Variants in PHTF1 observed in about 807,000 individuals in gnomAD.
The protein encoded by PHTF1 is putative homeodomain transcription factor 1.
Under a neutral mutation model 102.4 loss-of-function variants are expected in PHTF1, and 88 were observed. That is an observed-to-expected ratio of 0.86 (90% confidence interval 0.72 to 1.03). PHTF1 has a LOEUF of 1.03. PHTF1 is among the 50% of genes least tolerant of loss of function. The pLI is 0.00. For missense variants in PHTF1, 814 were observed against 909.5 expected, an observed-to-expected ratio of 0.89 and a Z score of 1.35; for synonymous variants, 289 against 305.2, an observed-to-expected ratio of 0.95 and a Z score of 0.55.
chr1:113,728,009 G>A (rs1557941752), intron 5 of PHTF1, among the ~76,000 whole-genome samples: 1 of 152,072 alleles, frequency 6.6e-6, no homozygotes, highest in Admixed American at 6.6e-5. Context: ...AAGCGGAAAT[G>A]GACAAATGGG....
At chr1:113,725,401 A>T (rs1274430850) in intron 6 of PHTF1, 1 of 152,254 alleles carries the variant, frequency 6.6e-6, no homozygotes, top group African/African-American at 2.4e-5. Flanking sequence ...TGAATTTACA[A>T]GAAATCTTTT....
At chr1:113,729,259 G>C (rs553372400) in intron 5 of PHTF1, among the ~76,000 whole-genome samples, 1 of 152,324 alleles carries the variant, frequency 6.6e-6, no homozygotes, top group South Asian at 2.1e-4. Context: ...AGAAGGCTCT[G>C]AGGCTGAGAA....
intron 15 of PHTF1, chr1:113,703,777 A>G (rs1034238306): frequency 1.7e-5 from 5 of 294,050 alleles, no homozygotes; most frequent in Non-Finnish European, 2.6e-5. Flanking sequence ...CCTTGGAGTG[A>G]TAACTAATAA....
In PHTF1 at chr1:113,759,039, C is replaced by A; in HGVS notation, c.-47G>T. On this transcript the variant is annotated 5_prime_UTR_variant, in exon 1 of 19. Coordinates refer to ENST00000369604, the MANE Select transcript of PHTF1 (RefSeq NM_001323043.2). ...GGCTCTCACCTAGTGCCCGTTGCCCCGCGGGCCGGCGCCCGGGACCTCCGT... is the reference window on the plus strand; with the variant it reads ...GGCTCTCACCTAGTGCCCGTTGCCCAGCGGGCCGGCGCCCGGGACCTCCGT... 9.8e-7 allele frequency: 1 copy of A among 1,016,498 alleles called. No homozygotes were observed. Among genetic ancestry groups the A allele is most frequent in the South Asian group, 4.4e-5 (1 of 22,622 alleles). 63.0% of individuals were successfully genotyped at this position (1,016,498 alleles called of 1,614,324 possible).
At chr1:113,702,681 C>G (rs1211843421) in intron 15 of PHTF1, among the ~76,000 whole-genome samples, 1 of 151,976 alleles carries the variant, frequency 6.6e-6, no homozygotes, top group African/African-American at 2.4e-5. Flanking sequence ...TGAACAAACA[C>G]CAAGCAACCA....
intron 7 of PHTF1, among the ~76,000 whole-genome samples, chr1:113,715,597 G>A (rs181583644): frequency 1.8e-4 from 22 of 124,266 alleles, no homozygotes; most frequent in African/African-American, 5.7e-4. Context: ...GCAGTGAGCC[G>A]AGATTGTACC....
chr1:113,700,773 A>G, intron 16 of PHTF1, 21 bp downstream of exon 16: 1 of 1,610,082 alleles, frequency 6.2e-7, no homozygotes, highest in South Asian at 1.1e-5. Flanking sequence ...ACTAAACCCA[A>G]TTGACAGGAC....
At chr1:113,753,085 T>C (rs1450748807) in intron 3 of PHTF1, among the ~76,000 whole-genome samples, 1 of 152,248 alleles carries the variant, frequency 6.6e-6, no homozygotes, top group Non-Finnish European at 1.5e-5. Context: ...TTACATTACT[T>C]TGTTTTCAAA....
At chr1:113,738,875 C>T (rs1655926677) in intron 3 of PHTF1, 76 bp from the exon 4 acceptor site, 2 of 1,050,850 alleles carry the variant, frequency 1.9e-6, no homozygotes, top group Non-Finnish European at 2.8e-6. Context: ...TTTTGAGACA[C>T]AGTTTCGCTC....
chr1:113,723,753 AC>A (rs1653370651), intron 7 of PHTF1, among the ~76,000 whole-genome samples: 1 of 152,228 alleles, frequency 6.6e-6, no homozygotes, highest in Non-Finnish European at 1.5e-5. Context: ...AGCACAGGCA[AC>A]CAAAGCAAAA....
At chr1:113,738,478 A>G (rs908096769) in intron 4 of PHTF1, among the ~76,000 whole-genome samples, 14 of 152,190 alleles carry the variant, frequency 9.2e-5, no homozygotes, top group Non-Finnish European at 1.9e-4. Flanking sequence ...GGCTTACTTG[A>G]ATGTTAAACA....
chr1:113,703,955 C>T (rs1189707989), intron 15 of PHTF1, 126 bp downstream of exon 15: 1 of 521,892 alleles, frequency 1.9e-6, no homozygotes, highest in Non-Finnish European at 3.4e-6. Context: ...ACCAAACATC[C>T]AAAATAGTAA....
rs774522219 is a variant in PHTF1 at position 113,752,385 on chromosome 1, A to ATTTTTTTTTTTTTTTTTT, written c.102+5296_102+5313dup. Among the ~76,000 whole-genome samples the ATTTTTTTTTTTTTTTTTT allele has an allele frequency of 2.5e-4, 12 of 47,894 alleles. 1 individual carries two copies. Among genetic ancestry groups the ATTTTTTTTTTTTTTTTTT allele is most frequent in the Non-Finnish European group, 4.2e-4 (11 of 26,432 alleles). The allele number at this position is 47,894 out of a possible 152,430, so 31.4% of individuals were successfully genotyped here. ...CTTGCCACATTCATTTGTTACTGTA[A>ATTTTTTTTTTTTTTTTTT]TTTTTTTTTTTTTTTTTTTTTTTTT... is the stretch of plus-strand genomic sequence containing the variant. On this transcript the variant is annotated intron_variant, in intron 3 of 18. Transcript: ENST00000369604.
At chr1:113,750,137 G>A in intron 3 of PHTF1, among the ~76,000 whole-genome samples, 1 of 151,994 alleles carries the variant, frequency 6.6e-6, no homozygotes, top group East Asian at 1.9e-4. Context: ...TGGGACTACA[G>A]GCACATGCCC....
chr1:113,758,417 T>C (rs1659214428), intron 2 of PHTF1, among the ~76,000 whole-genome samples: 2 of 152,008 alleles, frequency 1.3e-5, no homozygotes, highest in South Asian at 2.1e-4. Flanking sequence ...TTTCAAAGCA[T>C]TGCGGTGGCA....
rs1479236097 is a variant in PHTF1, at chr1:113,698,616, TATATACACACAC to T, written c.2143-241_2143-230del. ...TATGTCATTTGTAGTTTTATATATA[TATATACACACAC>T]ACACACACACACACACACACACACA... On this transcript the variant is annotated intron_variant, in intron 17 of 18. Transcript: ENST00000369604. Among the ~76,000 whole-genome samples the T allele has an allele frequency of 2.3e-3, 267 of 114,116 alleles. 2 individuals are homozygous for T. Among genetic ancestry groups the T allele is most frequent in the African/African-American group, 6.5e-3 (167 of 25,546 alleles). The allele number at this position is 114,116 out of a possible 152,430, so 74.9% of individuals were successfully genotyped here.
intron 3 of PHTF1, among the ~76,000 whole-genome samples, chr1:113,754,249 A>G (rs1658525614): frequency 6.6e-6 from 1 of 152,124 alleles, no homozygotes; most frequent in African/African-American, 2.4e-5. Flanking sequence ...TGTCTCTACA[A>G]AAAATTTAAA....
Position 113,701,826 on chromosome 1 carries a change from T to TAAAAA in PHTF1, c.1891-882_1891-878dup, listed in dbSNP as rs34844793. ...TGGCAACCTGGAATTCAATTCCTGG[T>TAAAAA]AAAAAAAAAAAAAAAAAAAAAAAAA... On this transcript the variant is annotated intron_variant, in intron 15 of 18. Transcript: ENST00000369604. Among the ~76,000 whole-genome samples the TAAAAA allele has an allele frequency of 7.3e-3, 204 of 27,962 alleles. 14 individuals are homozygous for TAAAAA. Among genetic ancestry groups the TAAAAA allele is most frequent in the African/African-American group, 0.019 (127 of 6,842 alleles). The allele number at this position is 27,962 out of a possible 152,430, so 18.3% of individuals were successfully genotyped here. A position where few individuals can be genotyped will look rare whatever the true frequency, so the allele number is the denominator to read the frequency against.
At position 113,712,041 on chromosome 1, in the gene PHTF1, G is replaced by A. The variant is rs1445040640; in HGVS notation, c.856C>T (p.Gln286Ter). The A allele has an allele frequency of 6.2e-7, 1 of 1,613,668 alleles. No homozygotes were observed. The highest frequency in any genetic ancestry group is 1.3e-5 in the African/African-American group (1 of 74,882). The part of the protein sequence containing the change: ...SSEEDGEART[Q>*]MILLRRSVEG... ...ACACTCCTACGCAATAATATCATCT[G>A]TGTCCGTGCTTCACCATCTTCTTCA... Residue 286 changes from glutamine (Q) to a stop codon, truncating the protein, a stop_gained, in exon 9 of 19, where the codon CAG becomes TAG. Coordinates refer to ENST00000369604, the MANE Select transcript of PHTF1 (RefSeq NM_001323043.2). LOFTEE classifies it high-confidence loss of function.
Sources: gnomAD v4.1 joint callset for allele counts (sites outside exome capture counted in the v4.1 genomes callset) on GRCh38, gnomAD v4.1.1 for gene constraint, MANE v1.5 for transcripts, NCBI Gene and HGNC (gene_info 2026-07-23, HGNC 2026-07-21) for gene names.